TUSC3: variants seen among roughly 807,000 people sequenced by gnomAD.
TUSC3 encodes dolichyl-diphosphooligosaccharide--protein glycosyltransferase subunit TUSC3.
In TUSC3, 45 loss-of-function variants were observed where a neutral mutation model predicts 44.8. That is an observed-to-expected ratio of 1.00 (90% CI 0.79 to 1.29). The LOEUF is 1.29. TUSC3 is among the 50% of genes most tolerant of loss of function. The pLI is 0.00. For synonymous variants in TUSC3, 212 were observed against 152.9 expected (o/e 1.39, Z -2.85); for missense variants, 519 against 437.9 (o/e 1.19, Z -1.65).
the TUSC3 span, among the ~76,000 whole-genome samples, chr8:15,837,136 T>G: frequency 6.6e-6 from 1 of 152,184 alleles, no homozygotes; most frequent in African/African-American, 2.4e-5. Flanking sequence ...TATGCTGTAG[T>G]GGATAAATCT....
chr8:15,722,461 C>G (rs1465819454), intron 6 of TUSC3, among the ~76,000 whole-genome samples: 2 of 152,098 alleles, frequency 1.3e-5, no homozygotes, highest in South Asian at 2.1e-4. Context: ...GAGCTGCTAG[C>G]CCACCATTTG....
intron 4 of TUSC3, among the ~76,000 whole-genome samples, chr8:15,661,929 T>C (rs779341686): frequency 9.9e-5 from 15 of 152,010 alleles, no homozygotes; most frequent in Non-Finnish European, 1.6e-4. Flanking sequence ...CATGAAAAGA[T>C]GCTCAGCATT....
At chr8:15,452,245 G>T (rs745453394) in intron 1 of TUSC3, among the ~76,000 whole-genome samples, 11 of 152,006 alleles carry the variant, frequency 7.2e-5, no homozygotes, top group Non-Finnish European at 1.5e-4. Context: ...AAAAATTTTC[G>T]CTGACTTTCT....
chr8:15,441,506 A>G (rs780675621), intron 1 of TUSC3, among the ~76,000 whole-genome samples: 1 of 152,250 alleles, frequency 6.6e-6, no homozygotes, highest in Non-Finnish European at 1.5e-5. Flanking sequence ...TATCAGTGAT[A>G]TTCTTGGAAC....
At chr8:15,542,892 G>C (rs1158414819) in intron 1 of TUSC3, among the ~76,000 whole-genome samples, 1 of 152,146 alleles carries the variant, frequency 6.6e-6, no homozygotes, top group East Asian at 1.9e-4. Flanking sequence ...TTAAATAGTT[G>C]ATGTTTTCAA....
chr8:15,850,166 A>G, the TUSC3 span, among the ~76,000 whole-genome samples: 1 of 150,652 alleles, frequency 6.6e-6, no homozygotes, highest in African/African-American at 2.5e-5. Flanking sequence ...TGAAATGTCC[A>G]GTATAACCTG....
intron 6 of TUSC3, among the ~76,000 whole-genome samples, chr8:15,727,886 T>A (rs1217263936): frequency 6.6e-6 from 1 of 152,214 alleles, no homozygotes. Context: ...ATCCTCTTAA[T>A]CCTATTTTAA....
At chr8:15,760,400 C>T (rs756075169) in intron 10 of TUSC3, among the ~76,000 whole-genome samples, 3 of 152,108 alleles carry the variant, frequency 2.0e-5, no homozygotes, top group Non-Finnish European at 4.4e-5. Context: ...TATGATTTTA[C>T]ACCTATGTAG....
In TUSC3 at chr8:15,573,168, TTCTCTC is replaced by T. The variant is rs1554516638; in HGVS notation, c.138+32630_138+32635del. ...TGCTTCAGTATAGTGTTCTCTCTCTTTCTCTCTCTCTCTCTCTCTCTCTCTCTCTCT... is the reference window on the plus strand; with the variant it reads ...TGCTTCAGTATAGTGTTCTCTCTCTTTCTCTCTCTCTCTCTCTCTCTCTCT... On this transcript the variant is annotated intron_variant, in intron 1 of 10. Transcript: ENST00000503731. 1.3e-3 allele frequency among the ~76,000 whole-genome samples: 109 copies of T among 85,540 alleles called. 1 individual carries two copies. The highest frequency in any genetic ancestry group is 3.1e-3 in the South Asian group (6 of 1,966). 56.1% of individuals were successfully genotyped at this position (85,540 alleles called of 152,430 possible).
At chr8:15,727,278 C>G (rs1810533125) in intron 6 of TUSC3, among the ~76,000 whole-genome samples, 1 of 152,096 alleles carries the variant, frequency 6.6e-6, no homozygotes, top group African/African-American at 2.4e-5. Context: ...ATCCTTAAGA[C>G]TTTTGCAATA....
At chr8:15,540,660 C>G (rs1158130616) in intron 1 of TUSC3, 92 bp downstream of exon 1, 7 of 1,426,594 alleles carry the variant, frequency 4.9e-6, no homozygotes, top group East Asian at 5.4e-5. Flanking sequence ...GCTAGGCAGC[C>G]TGGTCGCCGG....
At chr8:15,484,830 C>A (rs1219301044) in intron 2 of TUSC3, among the ~76,000 whole-genome samples, 1 of 152,182 alleles carries the variant, frequency 6.6e-6, no homozygotes, top group African/African-American at 2.4e-5. Flanking sequence ...TTCTTACTAT[C>A]ATTTAAAATA....
At chr8:15,568,381 T>A (rs1286524075) in intron 1 of TUSC3, among the ~76,000 whole-genome samples, 2 of 152,150 alleles carry the variant, frequency 1.3e-5, no homozygotes, top group African/African-American at 4.8e-5. Context: ...CTAGAGGGAG[T>A]ACTGACAATA....
At chr8:15,787,021 G>T in the TUSC3 span, among the ~76,000 whole-genome samples, 1 of 148,822 alleles carries the variant, frequency 6.7e-6, no homozygotes, top group African/African-American at 2.5e-5. Flanking sequence ...TGAACTTAAT[G>T]ACTTTGGGTC....
chr8:15,520,155 T>C (rs1052547163), intron 2 of TUSC3, among the ~76,000 whole-genome samples: 1 of 152,126 alleles, frequency 6.6e-6, no homozygotes, highest in East Asian at 1.9e-4. Context: ...GTCATCCAAA[T>C]TCAGTAAGCA....
intron 9 of TUSC3, among the ~76,000 whole-genome samples, chr8:15,757,238 CAG>C (rs995667012): frequency 3.9e-5 from 6 of 152,138 alleles, no homozygotes; most frequent in South Asian, 2.1e-4. Flanking sequence ...ACAGTGGACA[CAG>C]AAAGTGGCTT....
intron 1 of TUSC3, among the ~76,000 whole-genome samples, chr8:15,618,389 C>T (rs537331381): frequency 6.6e-6 from 1 of 152,070 alleles, no homozygotes; most frequent in East Asian, 1.9e-4. Flanking sequence ...TCTTTATATC[C>T]TTATTCTGTA....
intron 5 of TUSC3, among the ~76,000 whole-genome samples, chr8:15,665,303 G>C (rs918580588): frequency 6.6e-6 from 1 of 151,330 alleles, no homozygotes; most frequent in African/African-American, 2.4e-5. Flanking sequence ...GAAATGTCTG[G>C]TACAGAATCT....
intron 6 of TUSC3, among the ~76,000 whole-genome samples, chr8:15,724,291 G>A (rs907170042): frequency 2.0e-5 from 3 of 152,036 alleles, no homozygotes; most frequent in African/African-American, 7.2e-5. Context: ...CCAGTCTATG[G>A]TATTTTGTTA....
Sources: allele counts gnomAD v4.1 joint callset (sites outside exome capture counted in the v4.1 genomes callset), GRCh38; gene constraint gnomAD v4.1.1; transcripts MANE v1.5; gene names NCBI Gene and HGNC (gene_info 2026-07-23, HGNC 2026-07-21).